LINC00305: variants seen among roughly 807,000 people sequenced by gnomAD.
LINC00305 encodes the protein long intergenic non-protein coding RNA 305.
intron 1 of LINC00305, among the ~76,000 whole-genome samples, chr18:64,103,920 T>A (rs565275493): frequency 6.6e-6 from 1 of 152,332 alleles, no homozygotes; most frequent in African/African-American, 2.4e-5. Context: ...GAAAGCACTG[T>A]GAAGTTTTCA....
intron 1 of LINC00305, among the ~76,000 whole-genome samples, chr18:64,102,418 G>A (rs1320314283): frequency 1.3e-5 from 2 of 152,068 alleles, no homozygotes; most frequent in African/African-American, 2.4e-5. Context: ...CCAGCAATAC[G>A]TACTCTGTGG....
intron 1 of LINC00305, among the ~76,000 whole-genome samples, chr18:64,148,239 C>T (rs1322134347): frequency 6.6e-6 from 1 of 152,002 alleles, no homozygotes; most frequent in Non-Finnish European, 1.5e-5. Flanking sequence ...TCATGTCTCT[C>T]TCTCTCTCTC....
intron 3 of LINC00305, among the ~76,000 whole-genome samples, chr18:64,084,057 C>T (rs1168607386): frequency 6.6e-6 from 1 of 152,134 alleles, no homozygotes; most frequent in African/African-American, 2.4e-5. Flanking sequence ...AGTGGAAGCA[C>T]CCACAGAAAA....
At chr18:64,118,744 C>T (rs958313881) in intron 1 of LINC00305, among the ~76,000 whole-genome samples, 4 of 151,712 alleles carry the variant, frequency 2.6e-5, no homozygotes, top group African/African-American at 9.7e-5. Context: ...ATTATCTATG[C>T]ATCATTGGCT....
intron 1 of LINC00305, among the ~76,000 whole-genome samples, chr18:64,121,138 G>A (rs1161376017): frequency 6.6e-6 from 1 of 152,028 alleles, no homozygotes; most frequent in East Asian, 1.9e-4. Flanking sequence ...AGCTGTGTGT[G>A]ATCATTTTAA....
intron 1 of LINC00305, among the ~76,000 whole-genome samples, chr18:64,133,854 C>T (rs974673435): frequency 3.9e-5 from 6 of 152,110 alleles, no homozygotes; most frequent in Admixed American, 6.6e-5. Context: ...AATCTATTAT[C>T]GTTCTTTTCT....
At chr18:64,081,802 G>GT (rs1361901530) in intron 3 of LINC00305, among the ~76,000 whole-genome samples, 1 of 152,176 alleles carries the variant, frequency 6.6e-6, no homozygotes, top group Non-Finnish European at 1.5e-5. Context: ...GCTAGCCCAC[G>GT]TAACGCCCTT....
intron 3 of LINC00305, among the ~76,000 whole-genome samples, chr18:64,088,082 G>A (rs888146005): frequency 3.9e-5 from 6 of 152,168 alleles, no homozygotes; most frequent in Admixed American, 6.5e-5. Flanking sequence ...GGAGCTTGCC[G>A]TGAGCCGAGA....
exon 3 of LINC00305, chr18:64,097,864 T>A (rs1301778209): frequency 2.2e-6 from 1 of 458,130 alleles, no homozygotes; most frequent in African/African-American, 2.0e-5. Context: ...ATGTAGAATC[T>A]CACTCTAACC....
At chr18:64,088,848 A>T (rs143150950) in intron 3 of LINC00305, among the ~76,000 whole-genome samples, 1 of 152,322 alleles carries the variant, frequency 6.6e-6, no homozygotes, top group East Asian at 1.9e-4. Context: ...AGGGAGGATT[A>T]GCTGCAGAAG....
At chr18:64,097,832 AC>A (rs1419225790) in intron 3 of LINC00305, 2 of 456,844 alleles carry the variant, frequency 4.4e-6, no homozygotes, top group African/African-American at 4.0e-5. Flanking sequence ...TATTGAACTT[AC>A]CTTTATTCTT....
chr18:64,138,229 T>C (rs2144274991), intron 1 of LINC00305, among the ~76,000 whole-genome samples: 1 of 152,216 alleles, frequency 6.6e-6, no homozygotes, highest in East Asian at 1.9e-4. Context: ...GTAAGAAAGA[T>C]CCGGGCTGCT....
chr18:64,102,575 C>T (rs1289975499), intron 1 of LINC00305, among the ~76,000 whole-genome samples: 1 of 152,108 alleles, frequency 6.6e-6, no homozygotes, highest in Non-Finnish European at 1.5e-5. Flanking sequence ...TTAGGCCATT[C>T]TTTCATTGCC....
At chr18:64,135,451 T>C (rs886375429) in intron 1 of LINC00305, among the ~76,000 whole-genome samples, 4 of 152,134 alleles carry the variant, frequency 2.6e-5, no homozygotes, top group African/African-American at 9.7e-5. Flanking sequence ...GAAACACAAA[T>C]GTACATGGTT....
intron 1 of LINC00305, among the ~76,000 whole-genome samples, chr18:64,138,383 T>TTGA (rs765308262): frequency 3.9e-5 from 6 of 152,210 alleles, no homozygotes; most frequent in Non-Finnish European, 7.3e-5. Context: ...TGTTTTAAAG[T>TTGA]TGATGATAAA....
rs145459077 is a variant in LINC00305 at position 64,093,289 on chromosome 18, C to T, written n.540+4545G>A. Reference sequence around the variant, plus strand: ...CCTGACAGCCAGTTAGTTCACTTAGCTGCTCTGGTTAGCAGTTGTAGGCTA... The same window carrying T: ...CCTGACAGCCAGTTAGTTCACTTAGTTGCTCTGGTTAGCAGTTGTAGGCTA... On this transcript the variant is annotated intron_variant and non_coding_transcript_variant, in intron 3 of 3. Coordinates refer to ENST00000666468, the Ensembl canonical transcript of LINC00305. 3.5e-3 allele frequency among the ~76,000 whole-genome samples: 528 copies of T among 152,294 alleles called. 4 individuals are homozygous for T. The highest frequency in any genetic ancestry group is 0.012 in the African/African-American group (511 of 41,570).
intron 1 of LINC00305, among the ~76,000 whole-genome samples, chr18:64,127,716 CCCAAT>C (rs748498633): frequency 3.9e-5 from 6 of 152,096 alleles, no homozygotes; most frequent in Non-Finnish European, 8.8e-5. Flanking sequence ...GCCCAATGGA[CCCAAT>C]CTCTGTTCGA....
intron 1 of LINC00305, among the ~76,000 whole-genome samples, chr18:64,113,441 C>T (rs887153109): frequency 6.6e-6 from 1 of 152,176 alleles, no homozygotes; most frequent in Admixed American, 6.5e-5. Flanking sequence ...TTGACTATTT[C>T]TTTCAAGTTC....
intron 1 of LINC00305, among the ~76,000 whole-genome samples, chr18:64,121,513 A>G (rs2051361953): frequency 6.6e-6 from 1 of 152,146 alleles, no homozygotes; most frequent in South Asian, 2.1e-4. Context: ...TGTGCTGCAA[A>G]AAACATGATT....
Sources: allele counts gnomAD v4.1 joint callset (sites outside exome capture counted in the v4.1 genomes callset), GRCh38; gene constraint gnomAD v4.1.1; transcripts MANE v1.5; gene names NCBI Gene and HGNC (gene_info 2026-07-23, HGNC 2026-07-21).